ANO5: variants seen among roughly 807,000 people sequenced by gnomAD.
The protein encoded by ANO5 is anoctamin-5.
A neutral mutation model predicts 121.0 loss-of-function variants in ANO5; 109 were observed. The observed-to-expected ratio is 0.90, with a 90% CI of 0.77 to 1.06. The LOEUF is 1.06. ANO5 is among the 50% of genes least tolerant of loss of function. The pLI is 0.00. For missense variants in ANO5, 1,064 were observed against 1,078.5 expected (o/e 0.99, Z 0.19); for synonymous variants, 406 against 359.9 (o/e 1.13, Z -1.45).
chr11:22,212,915 A>C (rs1485979891), intron 3 of ANO5, among the ~76,000 whole-genome samples: 2 of 151,174 alleles, frequency 1.3e-5, no homozygotes, highest in Non-Finnish European at 3.0e-5. Flanking sequence ...TTCCTCAAAT[A>C]TGTTAAATAC....
intron 19 of ANO5, 121 bp from the exon 20 acceptor site, chr11:22,274,448 A>ATAAT: frequency 3.3e-6 from 3 of 918,768 alleles, no homozygotes; most frequent in African/African-American, 1.7e-5. Flanking sequence ...ACTATGATTT[A>ATAAT]TAATAGTATT....
rs957443277 is a variant in ANO5 at position 22,196,325 on chromosome 11, C to A, written c.40+2793C>A. On this transcript the variant is annotated intron_variant, in intron 1 of 21. Transcript: ENST00000324559. ...GAACCCAATTCTAATGTAACTGTTG[C>A]ACTCCCATGAGAATGGCATGAATTC... Among the ~76,000 whole-genome samples the A allele has an allele frequency of 2.0e-5, 3 of 152,084 alleles. No individual in the cohort carries two copies. The East Asian group carries it at 5.8e-4, about 29-fold the overall frequency.
chr11:22,249,681 G>C (rs1341684349), intron 9 of ANO5, among the ~76,000 whole-genome samples: 1 of 152,092 alleles, frequency 6.6e-6, no homozygotes, highest in African/African-American at 2.4e-5. Context: ...TGCTAAAGTA[G>C]TCATGTTTAA....
At position 22,262,825 on chromosome 11, in the gene ANO5, C is replaced by G; in HGVS notation, c.1801-121C>G. 3.8e-6 allele frequency: 3 copies of G among 794,338 alleles called. No individual in the cohort carries two copies. In the South Asian group the frequency reaches 4.3e-5, roughly 11 times the overall value. 49.2% of individuals were successfully genotyped at this position (794,338 alleles called of 1,614,324 possible). A position where few individuals can be genotyped will look rare whatever the true frequency, so the allele number is the denominator to read the frequency against. The stretch of plus-strand genomic sequence containing the variant: ...TTTGGAACTATTGGGCTAAATATAT[C>G]TTAACCCTTCCAACCAAAACCTTTA... On this transcript the variant is annotated intron_variant, in intron 16 of 21. Coordinates refer to ENST00000324559, the MANE Select transcript of ANO5 (RefSeq NM_213599.3).
intron 14 of ANO5, among the ~76,000 whole-genome samples, chr11:22,258,148 C>T (rs1854065416): frequency 6.6e-6 from 1 of 151,988 alleles, no homozygotes; most frequent in Non-Finnish European, 1.5e-5. Flanking sequence ...AATGTGTTCC[C>T]TCTTAACACT....
At chr11:22,193,820 A>G (rs1239522890) in intron 1 of ANO5, among the ~76,000 whole-genome samples, 1 of 152,128 alleles carries the variant, frequency 6.6e-6, no homozygotes, top group Admixed American at 6.5e-5. Context: ...GCTCCCCTGC[A>G]GGCCTGGGAA....
intron 4 of ANO5, among the ~76,000 whole-genome samples, chr11:22,219,851 G>C (rs1024721118): frequency 2.0e-5 from 3 of 150,194 alleles, no homozygotes; most frequent in Non-Finnish European, 3.0e-5. Context: ...CATAACATTT[G>C]AGTTACTGTA....
At chr11:22,223,693 CTT>C in intron 5 of ANO5, among the ~76,000 whole-genome samples, 1 of 152,014 alleles carries the variant, frequency 6.6e-6, no homozygotes, top group Non-Finnish European at 1.5e-5. Flanking sequence ...TTTATTAACT[CTT>C]TTCTGTATAC....
At chr11:22,201,947 G>T (rs1590213283) in intron 1 of ANO5, among the ~76,000 whole-genome samples, 1 of 152,184 alleles carries the variant, frequency 6.6e-6, no homozygotes, top group Non-Finnish European at 1.5e-5. Context: ...TGTGTGTTAA[G>T]GCCCCTCAAA....
rs1855110313 is a variant in ANO5, at chr11:22,282,268, C to G, written c.*2503C>G. On this transcript the variant is annotated 3_prime_UTR_variant, in exon 22 of 22. Transcript: ENST00000324559. ...GTGCCAAAGCCAAAAAAATACTTAACTCTTTTCAAAGGCCCTCTTTCATCC... is the reference window on the plus strand; with the variant it reads ...GTGCCAAAGCCAAAAAAATACTTAAGTCTTTTCAAAGGCCCTCTTTCATCC... 6 of 152,182 alleles carry G rather than the reference C, an allele frequency of 3.9e-5. No homozygotes were observed. In the South Asian group the frequency reaches 8.3e-4, roughly 21 times the overall value. 9.4% of individuals were successfully genotyped at this position (152,182 alleles called of 1,614,324 possible).
intron 9 of ANO5, among the ~76,000 whole-genome samples, chr11:22,240,502 G>A (rs1853393536): frequency 6.6e-6 from 1 of 152,020 alleles, no homozygotes; most frequent in Non-Finnish European, 1.5e-5. Flanking sequence ...TCAACAGTAT[G>A]TTTAAGTCAA....
chr11:22,201,188 G>A (rs1419886846), intron 1 of ANO5, among the ~76,000 whole-genome samples: 1 of 152,140 alleles, frequency 6.6e-6, no homozygotes, highest in Non-Finnish European at 1.5e-5. Context: ...TGCAGCCACA[G>A]TGAAAAACTT....
At position 22,280,542 on chromosome 11, in the gene ANO5, ATG is replaced by A. The variant is rs1164301745; in HGVS notation, c.*781_*782del. 6.6e-6 allele frequency: 1 copy of A among 151,918 alleles called. No individual in the cohort carries two copies. The highest frequency in any genetic ancestry group is 1.5e-5 in the Non-Finnish European group (1 of 67,868). The allele number at this position is 151,918 out of a possible 1,614,324, so 9.4% of individuals were successfully genotyped here. On this transcript the variant is annotated 3_prime_UTR_variant, in exon 22 of 22. Transcript: ENST00000324559. ...AAGCAAAGACACAATACAGAAGTAAATGTGTTTTCTTAGTAGTTAATGGATGC... is the reference window on the plus strand; with the variant it reads ...AAGCAAAGACACAATACAGAAGTAAATGTTTTCTTAGTAGTTAATGGATGC...
chr11:22,195,011 A>G lies in ANO5; in HGVS notation c.40+1479A>G, dbSNP rs922568184. ...TATTGAACATTTTAAGAAACTGCCA[A>G]ACTGTTTTCCAGGCATCTGCATGTT... On this transcript the variant is annotated intron_variant, in intron 1 of 21. Transcript: ENST00000324559. Among the ~76,000 whole-genome samples the G allele has an allele frequency of 9.2e-5, 14 of 152,284 alleles. No individual in the cohort carries two copies. In the East Asian group the frequency reaches 2.7e-3, roughly 29 times the overall value.
intron 2 of ANO5, among the ~76,000 whole-genome samples, chr11:22,204,943 A>G (rs1852066817): frequency 6.6e-6 from 1 of 152,162 alleles, no homozygotes; most frequent in Non-Finnish European, 1.5e-5. Flanking sequence ...CATGGAATCA[A>G]CCTAAATGCC....
At chr11:22,266,222 G>C (rs1421715451) in intron 17 of ANO5, among the ~76,000 whole-genome samples, 1 of 152,180 alleles carries the variant, frequency 6.6e-6, no homozygotes, top group African/African-American at 2.4e-5. Flanking sequence ...TGAAGCACAT[G>C]AAAGAGCTTC....
chr11:22,251,566 T>G (rs2133707056), intron 12 of ANO5, among the ~76,000 whole-genome samples: 1 of 152,324 alleles, frequency 6.6e-6, no homozygotes, highest in Admixed American at 6.5e-5. Context: ...CATGAAGTTT[T>G]TCCTATCATC....
chr11:22,234,245 A>G (rs1344522801), intron 7 of ANO5, among the ~76,000 whole-genome samples: 1 of 152,148 alleles, frequency 6.6e-6, no homozygotes, highest in Non-Finnish European at 1.5e-5. Context: ...GGACATGAAC[A>G]AGGTGAATTT....
chr11:22,279,462 A>T, intron 21 of ANO5, 82 bp from the exon 22 acceptor site: 2 of 1,189,118 alleles, frequency 1.7e-6, no homozygotes, highest in Non-Finnish European at 2.5e-6. Context: ...TTTCTTAAAT[A>T]AGTGAAATGA....
Sources: allele counts gnomAD v4.1 joint callset (sites outside exome capture counted in the v4.1 genomes callset), GRCh38; gene constraint gnomAD v4.1.1; transcripts MANE v1.5; gene names NCBI Gene and HGNC (gene_info 2026-07-23, HGNC 2026-07-21).